The following ARSB variants were observed in gnomAD, a reference collection of about 807,000 sequenced individuals.
ARSB encodes arylsulfatase B, also known as N-acetylgalactosamine-4-sulfatase.
ARSB carries 41 observed loss-of-function variants against 50.9 expected under a neutral mutation model. That is an observed-to-expected ratio of 0.81 (90% CI 0.63 to 1.04). ARSB has a LOEUF of 1.04. ARSB is among the 50% of genes least tolerant of loss of function. The pLI is 0.00. For missense variants in ARSB, 672 were observed against 693.3 expected, an observed-to-expected ratio of 0.97 and a Z score of 0.35; for synonymous variants, 269 against 284.8, an observed-to-expected ratio of 0.94 and a Z score of 0.56.
At chr5:78,836,728 G>C (rs1410589331) in intron 6 of ARSB, among the ~76,000 whole-genome samples, 4 of 152,212 alleles carry the variant, frequency 2.6e-5, no homozygotes, top group Non-Finnish European at 5.9e-5. Flanking sequence ...GCAGCACACA[G>C]TGCTGTGGTG....
At chr5:78,967,334 A>AAAG (rs1233770099) in intron 2 of ARSB, among the ~76,000 whole-genome samples, 1 of 152,200 alleles carries the variant, frequency 6.6e-6, no homozygotes, top group African/African-American at 2.4e-5. Flanking sequence ...TAAATAATGT[A>AAAG]ACTCTTATAG....
At chr5:78,797,625 C>G (rs1486246552) in intron 6 of ARSB, among the ~76,000 whole-genome samples, 1 of 152,222 alleles carries the variant, frequency 6.6e-6, no homozygotes, top group African/African-American at 2.4e-5. Flanking sequence ...AGCTTACCTA[C>G]TCTCTCTGGC....
In ARSB at chr5:78,897,785, TATAAA is replaced by T. The variant is rs1748633730; in HGVS notation, c.899-11963_899-11959del. On this transcript the variant is annotated intron_variant, in intron 4 of 7. Transcript: ENST00000264914. The stretch of plus-strand genomic sequence containing the variant: ...TCAGATCTAAAATATATTCTATAAA[TATAAA>T]ATATTTATATTTACTATATTCAAAA... Among the ~76,000 whole-genome samples, 4 of 151,938 alleles carry T rather than the reference TATAAA, an allele frequency of 2.6e-5. No homozygotes were observed. In the South Asian group the frequency reaches 8.3e-4, roughly 31 times the overall value.
At chr5:78,858,753 G>C (rs144980780) in intron 5 of ARSB, among the ~76,000 whole-genome samples, 69 of 152,176 alleles carry the variant, frequency 4.5e-4, no homozygotes, top group African/African-American at 1.6e-3. Flanking sequence ...ACATCCACAG[G>C]GTAATGTCCG....
intron 4 of ARSB, among the ~76,000 whole-genome samples, chr5:78,933,387 G>A (rs1750435003): frequency 6.6e-6 from 1 of 152,322 alleles, no homozygotes; most frequent in African/African-American, 2.4e-5. Context: ...CAAAGGCTCT[G>A]AGGTGTGATG....
rs575986004 is a variant in ARSB, at chr5:78,852,049, A to C, written c.1143-12623T>G. ...TCTGTGTCTTTTAATTGGAGCATTTAGCCCATTTACATTTAAAGTTAATAT... is the reference window on the plus strand; with the variant it reads ...TCTGTGTCTTTTAATTGGAGCATTTCGCCCATTTACATTTAAAGTTAATAT... On this transcript the variant is annotated intron_variant, in intron 5 of 7. Coordinates refer to ENST00000264914, the MANE Select transcript of ARSB (RefSeq NM_000046.5). Among the ~76,000 whole-genome samples the C allele has an allele frequency of 2.2e-4, 33 of 152,312 alleles. 1 individual carries two copies. The East Asian group carries it at 3.7e-3, about 17-fold the overall frequency.
At chr5:78,878,153 C>A (rs1273744439) in intron 5 of ARSB, among the ~76,000 whole-genome samples, 1 of 152,078 alleles carries the variant, frequency 6.6e-6, no homozygotes, top group Non-Finnish European at 1.5e-5. Context: ...AAGTGAAAAG[C>A]ATGAATATGT....
At chr5:78,936,129 CT>C (rs56884992) in intron 4 of ARSB, among the ~76,000 whole-genome samples, 18,757 of 88,766 alleles carry the variant, frequency 0.21, 1,899 homozygotes, top group Admixed American at 0.26. Flanking sequence ...CTCTCTCTCT[CT>C]TTTTTTTTTT....
chr5:78,789,088 C>A (rs1432760674), intron 6 of ARSB, among the ~76,000 whole-genome samples: 1 of 152,218 alleles, frequency 6.6e-6, no homozygotes, highest in Non-Finnish European at 1.5e-5. Context: ...CTCTTGACTG[C>A]ACAAGGCATC....
chr5:78,985,040 G>A lies in ARSB; in HGVS notation c.209C>T (p.Pro70Leu). The A allele has an allele frequency of 6.5e-7, 1 of 1,542,518 alleles. No individual in the cohort carries two copies. Among genetic ancestry groups the A allele is most frequent in the Non-Finnish European group, 8.7e-7 (1 of 1,146,416 alleles). ...GCCGGCCGCCAGCGCGTCCAGGTGCGGCGTGCGGATGCGGGAGCCGTGGAA... is the reference window on the plus strand; with the variant it reads ...GCCGGCCGCCAGCGCGTCCAGGTGCAGCGTGCGGATGCGGGAGCCGTGGAA... ...VGFHGSRIRT[P>L]HLDALAAGGV... is the part of the protein sequence containing the mutation. Residue 70 changes from proline (P) to leucine (L), a missense_variant, in exon 1 of 8, where the codon CCG (proline) becomes CTG (leucine). Physicochemically the swap from Pro to Leu is moderately conservative, Grantham distance 98. Transcript: ENST00000264914.
At chr5:78,890,982 A>G (rs1431115038) in intron 4 of ARSB, among the ~76,000 whole-genome samples, 2 of 151,806 alleles carry the variant, frequency 1.3e-5, no homozygotes, top group Non-Finnish European at 2.9e-5. Flanking sequence ...TACTATACTT[A>G]GCTCTGTCTA....
intron 6 of ARSB, among the ~76,000 whole-genome samples, chr5:78,824,474 T>C (rs1744354636): frequency 6.6e-6 from 1 of 152,152 alleles, no homozygotes. Flanking sequence ...CAGGAGTCTG[T>C]TAGAAATGCT....
intron 4 of ARSB, among the ~76,000 whole-genome samples, chr5:78,946,194 A>G (rs1319640518): frequency 6.6e-6 from 1 of 152,238 alleles, no homozygotes; most frequent in Non-Finnish European, 1.5e-5. Context: ...GAGAAGGATT[A>G]GAAGTGTCAT....
chr5:78,913,537 T>C (rs184528155), intron 4 of ARSB, among the ~76,000 whole-genome samples: 2 of 152,362 alleles, frequency 1.3e-5, no homozygotes, highest in Admixed American at 1.3e-4. Flanking sequence ...CTTATTTCTT[T>C]TGATTCTCAG....
chr5:78,876,082 C>T (rs1053073248), intron 5 of ARSB, among the ~76,000 whole-genome samples: 1 of 152,014 alleles, frequency 6.6e-6, no homozygotes, highest in Non-Finnish European at 1.5e-5. Flanking sequence ...TATTAATCAA[C>T]TAATCAAAAG....
At position 78,780,453 on chromosome 5, in the gene ARSB, C is replaced by T. The variant is rs201234153; in HGVS notation, c.1546G>A (p.Ala516Thr). Residue 516 changes from alanine to threonine, a missense_variant, in exon 8 of 8, where the codon GCA (alanine) becomes ACA (threonine). Coordinates refer to ENST00000264914, the MANE Select transcript of ARSB (RefSeq NM_000046.5). ...TTGGGATCACAGCGGGGGTCCTGTG[C>T]AGGGAAGTACACGGGGACTGAGTGT... ...HKHSVPVYFP[A>T]QDPRCDPKAT... 3.1e-4 allele frequency: 500 copies of T among 1,613,996 alleles called. No individual in the cohort carries two copies. The highest frequency in any genetic ancestry group is 4.1e-4 in the Non-Finnish European group (483 of 1,180,028).
intron 4 of ARSB, 97 bp from the exon 5 acceptor site, chr5:78,885,924 AAT>A: frequency 1.3e-6 from 2 of 1,578,420 alleles, no homozygotes; most frequent in Non-Finnish European, 1.7e-6. Flanking sequence ...ATGGTGCTTA[AAT>A]AATAAAAAAA....
intron 2 of ARSB, among the ~76,000 whole-genome samples, chr5:78,964,888 AG>A (rs1752142055): frequency 6.6e-6 from 1 of 152,270 alleles, no homozygotes; most frequent in South Asian, 2.1e-4. Context: ...AAACTCAGTA[AG>A]GGTGATAAAA....
In ARSB at chr5:78,780,526, A is replaced by T; in HGVS notation, c.1473T>A (p.Tyr491Ter). The T allele has an allele frequency of 6.2e-7, 1 of 1,614,102 alleles. No homozygotes were observed. The highest frequency in any genetic ancestry group is 8.5e-7 in the Non-Finnish European group (1 of 1,180,024). ...PEERHDLSRE[Y>*]PHIVTKLLSR... The stretch of plus-strand genomic sequence containing the variant: ...ACAGGAGCTTTGTGACGATGTGAGG[A>T]TATTCTCTGGACAGGTCATGTCTTT... Residue 491 changes from tyrosine (Y) to a stop codon, truncating the protein, a stop_gained, in exon 8 of 8, where the codon TAT becomes TAA. Transcript: ENST00000264914. LOFTEE classifies it high-confidence loss of function.
Sources: gnomAD v4.1 joint callset for allele counts (sites outside exome capture counted in the v4.1 genomes callset) on GRCh38, gnomAD v4.1.1 for gene constraint, MANE v1.5 for transcripts, NCBI Gene and HGNC (gene_info 2026-07-23, HGNC 2026-07-21) for gene names.